The following LZTS1 variants were observed in gnomAD, a reference collection of about 807,000 sequenced individuals.
The protein encoded by LZTS1 is leucine zipper tumor suppressor 1.
Under a neutral mutation model 45.8 loss-of-function variants are expected in LZTS1, and 31 were observed. That is an observed-to-expected ratio of 0.68 (90% confidence interval 0.51 to 0.91). The LOEUF (loss-of-function observed/expected upper bound fraction) is 0.91. LZTS1 is among the 40% of genes least tolerant of loss of function. The pLI, the probability that LZTS1 is intolerant of heterozygous loss-of-function variation, is 0.00. For missense variants in LZTS1, 821 were observed against 788.9 expected, an observed-to-expected ratio of 1.04 and a Z score of -0.49; for synonymous variants, 359 against 357.3, an observed-to-expected ratio of 1.00 and a Z score of -0.05.
At chr8:20,300,354 A>G (rs1444191384) in intron 1 of LZTS1, among the ~76,000 whole-genome samples, 1 of 151,610 alleles carries the variant, frequency 6.6e-6, no homozygotes, top group Non-Finnish European at 1.5e-5. Context: ...CTTTTTTGAG[A>G]CGGAGTCTCT....
At chr8:20,286,399 T>C (rs1266164154) in intron 1 of LZTS1, among the ~76,000 whole-genome samples, 1 of 152,148 alleles carries the variant, frequency 6.6e-6, no homozygotes, top group Non-Finnish European at 1.5e-5. Context: ...TATAAAAAGG[T>C]ATACTCACTG....
At chr8:20,265,182 T>A (rs902009346) in intron 1 of LZTS1, among the ~76,000 whole-genome samples, 3 of 152,148 alleles carry the variant, frequency 2.0e-5, no homozygotes, top group African/African-American at 7.2e-5. Flanking sequence ...TGGGGCGGCA[T>A]CACCAGCCCA....
chr8:20,283,384 T>A (rs1800731638), intron 1 of LZTS1, among the ~76,000 whole-genome samples: 2 of 152,166 alleles, frequency 1.3e-5, no homozygotes, highest in African/African-American at 4.8e-5. Context: ...GCACCTGCTA[T>A]GAACCAGAAA....
chr8:20,293,724 G>C (rs1184124484), intron 1 of LZTS1, among the ~76,000 whole-genome samples: 3 of 152,114 alleles, frequency 2.0e-5, no homozygotes, highest in African/African-American at 7.2e-5. Flanking sequence ...CTTGAAGCCA[G>C]GAGTTCAAAA....
Position 20,285,724 on chromosome 8 carries a change from A to T in LZTS1, c.-135+18016T>A, listed in dbSNP as rs144074144. ...AGATACTAAAATGCAAAGGAGCAAG[A>T]ATAACCAAGACCATTTGGTGAAGAA... On this transcript the variant is annotated intron_variant, in intron 1 of 3. Coordinates refer to ENST00000381569, the MANE Select transcript of LZTS1 (RefSeq NM_021020.5). 2.2e-3 allele frequency among the ~76,000 whole-genome samples: 341 copies of T among 152,332 alleles called. 3 individuals are homozygous for T. Among genetic ancestry groups the T allele is most frequent in the African/African-American group, 7.6e-3 (318 of 41,578 alleles).
chr8:20,248,435 CA>C lies in LZTS1; in HGVS notation c.*1286del, dbSNP rs1171651604. 6.6e-6 allele frequency: 1 copy of C among 152,460 alleles called. No homozygotes were observed. The highest frequency in any genetic ancestry group is 1.9e-4 in the East Asian group (1 of 5,176). 9.4% of individuals were successfully genotyped at this position (152,460 alleles called of 1,614,324 possible). On this transcript the variant is annotated 3_prime_UTR_variant, in exon 4 of 4. Transcript: ENST00000381569. ...CAGAGAAACCCTGGACTCCCTGGGGCACTGCCCAAGCTCCTGAGAAAGGGAG... is the reference window on the plus strand; with the variant it reads ...CAGAGAAACCCTGGACTCCCTGGGGCCTGCCCAAGCTCCTGAGAAAGGGAG...
Position 20,247,349 on chromosome 8 carries a change from G to C in LZTS1, c.*2373C>G, listed in dbSNP as rs957360097. On this transcript the variant is annotated 3_prime_UTR_variant, in exon 4 of 4. Coordinates refer to ENST00000381569, the MANE Select transcript of LZTS1 (RefSeq NM_021020.5). ...CTCTGACTGCTCTTTCCTGGAGTTG[G>C]GGGGGGGTCTCCAGCCTGGGGAGGG... 3.5e-5 allele frequency: 2 copies of C among 56,974 alleles called. No individual in the cohort carries two copies. The highest frequency in any genetic ancestry group is 4.9e-4 in the East Asian group (1 of 2,058). 3.5% of individuals were successfully genotyped at this position (56,974 alleles called of 1,614,324 possible). A position where few individuals can be genotyped will look rare whatever the true frequency, so the allele number is the denominator to read the frequency against.
At chr8:20,251,130 T>TATATATATATAA (rs1799891694) in intron 3 of LZTS1, among the ~76,000 whole-genome samples, 1 of 30,816 alleles carries the variant, frequency 3.2e-5, no homozygotes, top group Non-Finnish European at 6.5e-5. Context: ...TATATATATA[T>TATATATATATAA]ATATATATAT....
rs142399003 is a variant in LZTS1 at position 20,280,376 on chromosome 8, T to G, written c.-135+23364A>C. On this transcript the variant is annotated intron_variant, in intron 1 of 3. Coordinates refer to ENST00000381569, the MANE Select transcript of LZTS1 (RefSeq NM_021020.5). Reference sequence around the variant, plus strand: ...GTGGCTCGTGTTCCTGCTGGCAGTCTTCTTCAGAGTTCACTTGTCATTCAG... The same window carrying G: ...GTGGCTCGTGTTCCTGCTGGCAGTCGTCTTCAGAGTTCACTTGTCATTCAG... 5.8e-3 allele frequency among the ~76,000 whole-genome samples: 888 copies of G among 152,298 alleles called. 12 individuals are homozygous for G. Among genetic ancestry groups the G allele is most frequent in the African/African-American group, 0.02 (836 of 41,552 alleles).
chr8:20,254,623 G>A (rs999709820), intron 2 of LZTS1, among the ~76,000 whole-genome samples: 1 of 152,202 alleles, frequency 6.6e-6, no homozygotes, highest in African/African-American at 2.4e-5. Flanking sequence ...CAAGACTTCT[G>A]CTTCAGGGGG....
At chr8:20,298,036 A>G (rs1222181300) in intron 1 of LZTS1, among the ~76,000 whole-genome samples, 1 of 152,044 alleles carries the variant, frequency 6.6e-6, no homozygotes, top group Non-Finnish European at 1.5e-5. Flanking sequence ...AATCTTGCAT[A>G]AACTCTTTCA....
At chr8:20,260,237 A>C (rs1055379746) in intron 1 of LZTS1, among the ~76,000 whole-genome samples, 1 of 152,016 alleles carries the variant, frequency 6.6e-6, no homozygotes, top group African/African-American at 2.4e-5. Flanking sequence ...TGACTGATTG[A>C]TTTTTAATTG....
chr8:20,256,060 C>CAAAAAAAAAAAAAA (rs386412254), intron 1 of LZTS1, among the ~76,000 whole-genome samples: 2 of 56,448 alleles, frequency 3.5e-5, no homozygotes, highest in Non-Finnish European at 6.4e-5. Context: ...GGGCCTGACT[C>CAAAAAAAAAAAAAA]AAAAAAAAAA....
chr8:20,299,941 A>G (rs993032977), intron 1 of LZTS1, among the ~76,000 whole-genome samples: 1 of 152,158 alleles, frequency 6.6e-6, no homozygotes, highest in African/African-American at 2.4e-5. Flanking sequence ...GAAACATCTC[A>G]TCATTGCCCT....
intron 1 of LZTS1, among the ~76,000 whole-genome samples, chr8:20,268,922 G>A (rs748144600): frequency 2.0e-5 from 3 of 152,102 alleles, no homozygotes; most frequent in Admixed American, 1.3e-4. Context: ...CACTGCTCTG[G>A]AGGAATCAAA....
intron 1 of LZTS1, among the ~76,000 whole-genome samples, chr8:20,270,981 G>C (rs993421563): frequency 6.6e-6 from 1 of 152,170 alleles, no homozygotes; most frequent in African/African-American, 2.4e-5. Flanking sequence ...GAAATGACCT[G>C]GCGTGGCACG....
In LZTS1 at chr8:20,249,451, G is replaced by T. The variant is rs909844703; in HGVS notation, c.*271C>A. ...TCGAACAAAGGCCAAAGTTTAGGGA[G>T]CCCTTAACCAAAGCAGACAGACCCC... On this transcript the variant is annotated 3_prime_UTR_variant, in exon 4 of 4. Coordinates refer to ENST00000381569, the MANE Select transcript of LZTS1 (RefSeq NM_021020.5). The T allele has an allele frequency of 4.6e-6, 2 of 436,320 alleles. No homozygotes were observed. Among genetic ancestry groups the T allele is most frequent in the African/African-American group, 4.0e-5 (2 of 50,576 alleles). The allele number at this position is 436,320 out of a possible 1,614,324, so 27.0% of individuals were successfully genotyped here. A position where few individuals can be genotyped will look rare whatever the true frequency, so the allele number is the denominator to read the frequency against.
At chr8:20,252,727 G>A in intron 3 of LZTS1, 55 bp downstream of exon 3, 1 of 1,435,320 alleles carries the variant, frequency 7.0e-7, no homozygotes, top group African/African-American at 1.4e-5. Flanking sequence ...AGGAGAGGGG[G>A]GTACTGGCGC....
intron 1 of LZTS1, among the ~76,000 whole-genome samples, chr8:20,292,437 A>G (rs1800915533): frequency 6.6e-6 from 1 of 152,212 alleles, no homozygotes; most frequent in Non-Finnish European, 1.5e-5. Flanking sequence ...GCGGCAGAGA[A>G]CTTGCTTTTC....
Sources: gnomAD v4.1 joint callset for allele counts (sites outside exome capture counted in the v4.1 genomes callset) on GRCh38, gnomAD v4.1.1 for gene constraint, MANE v1.5 for transcripts, NCBI Gene and HGNC (gene_info 2026-07-23, HGNC 2026-07-21) for gene names.